ABCG1: variants seen among roughly 807,000 people sequenced by gnomAD.
ABCG1 encodes the protein ATP-binding cassette sub-family G member 1.
Under a neutral mutation model 69.2 loss-of-function variants are expected in ABCG1, and 29 were observed. The ratio of observed to expected loss-of-function variants is 0.42; its 90% confidence interval spans 0.31 to 0.57. ABCG1 has a LOEUF of 0.57. ABCG1 is among the 20% of genes least tolerant of loss of function. The probability of loss-of-function intolerance (pLI) is 0.15; values close to 1 mark genes in which losing one functional copy is unlikely to be tolerated. For synonymous variants in ABCG1, 370 were observed against 374.8 expected, an observed-to-expected ratio of 0.99 and a Z score of 0.15; for missense variants, 718 against 898.1, an observed-to-expected ratio of 0.80 and a Z score of 2.56.
chr21:42,201,280 GTTAGAT>G (rs71845420), intron 1 of ABCG1, among the ~76,000 whole-genome samples: 26,051 of 152,000 alleles, frequency 0.17, 2,427 homozygotes, highest in East Asian at 0.24. Context: ...TCAGGCATTA[GTTAGAT>G]TTAGATTCTC....
upstream of ABCG1, among the ~76,000 whole-genome samples, chr21:42,217,110 G>A (rs2123484235): frequency 6.6e-6 from 1 of 152,252 alleles, no homozygotes; most frequent in South Asian, 2.1e-4. Context: ...CACACTTCCA[G>A]TTCCGGACCA....
chr21:42,290,438 G>A (rs1234720681), intron 11 of ABCG1, among the ~76,000 whole-genome samples: 1 of 152,210 alleles, frequency 6.6e-6, no homozygotes, highest in Non-Finnish European at 1.5e-5. Flanking sequence ...CCAAATGGAA[G>A]ACTTTTAAGC....
intron 3 of ABCG1, among the ~76,000 whole-genome samples, chr21:42,271,717 A>G (rs1216878868): frequency 6.6e-6 from 1 of 152,174 alleles, no homozygotes; most frequent in East Asian, 1.9e-4. Context: ...CCCCATCTCT[A>G]CTGAAGATAC....
At chr21:42,289,441 G>A (rs1418332198) in intron 10 of ABCG1, among the ~76,000 whole-genome samples, 1 of 152,240 alleles carries the variant, frequency 6.6e-6, no homozygotes, top group Non-Finnish European at 1.5e-5. Context: ...CCTGAAACCA[G>A]GGCTGTAGGC....
At chr21:42,217,288 G>A (rs2123484722), upstream of ABCG1, among the ~76,000 whole-genome samples, 1 of 152,198 alleles carries the variant, frequency 6.6e-6, no homozygotes, top group Admixed American at 6.5e-5. Flanking sequence ...TGGAAGTGAG[G>A]AGGATGGATA....
chr21:42,258,162 A>C (rs2068340726), intron 2 of ABCG1, among the ~76,000 whole-genome samples: 5 of 111,686 alleles, frequency 4.5e-5, no homozygotes, highest in African/African-American at 1.2e-4. Flanking sequence ...TCATCCCTCC[A>C]CTCATCCCTT....
intron 2 of ABCG1, among the ~76,000 whole-genome samples, chr21:42,234,824 G>A (rs1201005754): frequency 1.3e-5 from 2 of 151,446 alleles, no homozygotes; most frequent in Admixed American, 1.3e-4. Context: ...AGGTGCGGGC[G>A]GGGCGGGTGC....
rs1026418399 is a variant in ABCG1 at position 42,219,520 on chromosome 21, G to C, written c.42+216G>C. On this transcript the variant is annotated intron_variant, in intron 1 of 14. Transcript: ENST00000398449. This position sits in a 1 kb window ranked among gnomAD's most constrained non-coding sequence, Gnocchi z 5.3. ...CCTCGGGATGCCCCTTGCACCGGCAGAGAGCACGGACTAGGTGGAGGGGCC... is the reference window on the plus strand; with the variant it reads ...CCTCGGGATGCCCCTTGCACCGGCACAGAGCACGGACTAGGTGGAGGGGCC... Among the ~76,000 whole-genome samples the C allele has an allele frequency of 6.6e-6, 1 of 152,198 alleles. No homozygotes were observed. Among genetic ancestry groups the C allele is most frequent in the Admixed American group, 6.5e-5 (1 of 15,288 alleles).
At chr21:42,246,972 G>A (rs2839478) in intron 2 of ABCG1, among the ~76,000 whole-genome samples, 39,709 of 152,046 alleles carry the variant, frequency 0.26, 5,929 homozygotes, top group Admixed American at 0.34. Context: ...GAATTTGACC[G>A]TGATTTTAAA....
intron 1 of ABCG1, among the ~76,000 whole-genome samples, chr21:42,223,699 C>T (rs1485770373): frequency 6.6e-6 from 1 of 152,148 alleles, no homozygotes; most frequent in Non-Finnish European, 1.5e-5. Context: ...AATTGCTGAC[C>T]CCAGGGCTTT....
chr21:42,268,287 C>A (rs1336368072), intron 2 of ABCG1, among the ~76,000 whole-genome samples: 1 of 152,006 alleles, frequency 6.6e-6, no homozygotes, highest in African/African-American at 2.4e-5. Flanking sequence ...CGCATCTTCG[C>A]TTTATATTTC....
chr21:42,232,511 A>T (rs917133426), intron 2 of ABCG1, among the ~76,000 whole-genome samples: 1 of 152,198 alleles, frequency 6.6e-6, no homozygotes, highest in Non-Finnish European at 1.5e-5. Context: ...ACATGTTAAT[A>T]CTTTGTCATT....
intron 2 of ABCG1, among the ~76,000 whole-genome samples, chr21:42,245,805 G>A (rs1200966742): frequency 6.6e-6 from 1 of 152,194 alleles, no homozygotes; most frequent in Non-Finnish European, 1.5e-5. Flanking sequence ...GCACAACTCC[G>A]ATGAGGAGGG....
At chr21:42,242,008 G>C (rs1407837285) in intron 2 of ABCG1, among the ~76,000 whole-genome samples, 1 of 148,818 alleles carries the variant, frequency 6.7e-6, no homozygotes, top group Admixed American at 6.7e-5. Context: ...AACTCCCCAT[G>C]GTGTTTTTGG....
intron 2 of ABCG1, among the ~76,000 whole-genome samples, chr21:42,258,033 T>A (rs170437): frequency 0.082 from 4,151 of 50,754 alleles, 253 homozygotes; most frequent in African/African-American, 0.098. Flanking sequence ...AGCCTCTCCA[T>A]CCATCCCTCC....
intron 6 of ABCG1, among the ~76,000 whole-genome samples, chr21:42,283,860 AC>A (rs1324850619): frequency 1.2e-4 from 3 of 25,098 alleles, no homozygotes; most frequent in African/African-American, 1.9e-4. Flanking sequence ...ATGAGTGGGG[AC>A]CCCCCCACCT....
At chr21:42,242,733 C>T (rs143053773) in intron 2 of ABCG1, among the ~76,000 whole-genome samples, 2 of 152,138 alleles carry the variant, frequency 1.3e-5, no homozygotes, top group Non-Finnish European at 2.9e-5. Context: ...CCTTTAGAGC[C>T]GACCATGAAC....
intron 2 of ABCG1, among the ~76,000 whole-genome samples, chr21:42,247,569 T>C (rs1223866308): frequency 6.6e-6 from 1 of 151,968 alleles, no homozygotes; most frequent in Non-Finnish European, 1.5e-5. Flanking sequence ...TGGACTAGAC[T>C]GGTGACTATG....
At chr21:42,234,688 C>A (rs373896341) in intron 2 of ABCG1, among the ~76,000 whole-genome samples, 11 of 152,350 alleles carry the variant, frequency 7.2e-5, no homozygotes, top group Admixed American at 2.6e-4. Context: ...AGTAAAAAAG[C>A]CCGTCCTTTC....
Sources: gnomAD v4.1 joint callset for allele counts (sites outside exome capture counted in the v4.1 genomes callset) on GRCh38, gnomAD v4.1.1 for gene constraint, Gnocchi (gnomAD v3.1) non-coding constraint, MANE v1.5 for transcripts, NCBI Gene and HGNC (gene_info 2026-07-23, HGNC 2026-07-21) for gene names.